Variants in SDK1 observed in about 807,000 individuals in gnomAD.
SDK1 encodes protein sidekick-1.
A neutral mutation model predicts 245.5 loss-of-function variants in SDK1; 157 were observed. That is an observed-to-expected ratio of 0.64 (90% CI 0.56 to 0.73). The LOEUF (loss-of-function observed/expected upper bound fraction) is 0.73, where lower values mean the gene tolerates loss of function less well. SDK1 is among the 30% of genes least tolerant of loss of function. The pLI is 0.00. For synonymous variants in SDK1, 1,647 were observed against 1,278.5 expected (o/e 1.29, Z -6.15); for missense variants, 3,583 against 3,002.3 (o/e 1.19, Z -4.52).
At chr7:3,958,570 G>A (rs898610485) in intron 7 of SDK1, among the ~76,000 whole-genome samples, 2 of 152,176 alleles carry the variant, frequency 1.3e-5, no homozygotes, top group Middle Eastern at 3.2e-3. Context: ...CAAGCTTCAC[G>A]AGCTCGTGTT....
chr7:3,692,539 T>C (rs1366393789), intron 4 of SDK1, among the ~76,000 whole-genome samples: 1 of 152,214 alleles, frequency 6.6e-6, no homozygotes, highest in Non-Finnish European at 1.5e-5. Context: ...GCATAAATTA[T>C]TTGTTTATTT....
At chr7:3,443,766 C>A (rs138676879) in intron 1 of SDK1, among the ~76,000 whole-genome samples, 1 of 152,098 alleles carries the variant, frequency 6.6e-6, no homozygotes. Context: ...TGGTCAGCAG[C>A]GTAATGGCTT....
intron 4 of SDK1, among the ~76,000 whole-genome samples, chr7:3,652,624 G>C (rs7782236): frequency 0.63 from 95,461 of 152,134 alleles, 30,410 homozygotes; most frequent in South Asian, 0.77. Context: ...AGAGTATTAG[G>C]TTATCATTCA....
chr7:3,629,245 G>T (rs1782213449), intron 2 of SDK1, among the ~76,000 whole-genome samples: 1 of 150,902 alleles, frequency 6.6e-6, no homozygotes, highest in African/African-American at 2.4e-5. Flanking sequence ...AGCTTGCAGT[G>T]AGCTGAGATC....
rs115901240 is a variant in SDK1 at position 3,754,210 on chromosome 7, C to G, written c.714-67240C>G. ...TCATATTACATTTTCATACAGTTGTCTTGCTTCATACCCCAGGGATTTATT... is the reference window on the plus strand; with the variant it reads ...TCATATTACATTTTCATACAGTTGTGTTGCTTCATACCCCAGGGATTTATT... On this transcript the variant is annotated intron_variant, in intron 4 of 44. Transcript: ENST00000404826. 1.9e-3 allele frequency among the ~76,000 whole-genome samples: 282 copies of G among 152,310 alleles called. 1 individual carries two copies. The highest frequency in any genetic ancestry group is 6.5e-3 in the African/African-American group (271 of 41,562).
chr7:3,596,376 G>C (rs185792072), intron 1 of SDK1, among the ~76,000 whole-genome samples: 28 of 152,342 alleles, frequency 1.8e-4, no homozygotes, highest in African/African-American at 6.7e-4. Flanking sequence ...TTGTGGTAAA[G>C]TTGCTCGAGG....
At chr7:4,107,770 C>T (rs1473492344) in intron 22 of SDK1, among the ~76,000 whole-genome samples, 4 of 152,200 alleles carry the variant, frequency 2.6e-5, no homozygotes, top group Non-Finnish European at 4.4e-5. Flanking sequence ...CCCAGGCAGC[C>T]GGGGGCCTCC....
intron 32 of SDK1, among the ~76,000 whole-genome samples, chr7:4,166,877 T>A (rs1342539531): frequency 6.6e-6 from 1 of 152,086 alleles, no homozygotes; most frequent in Non-Finnish European, 1.5e-5. Flanking sequence ...GGTGGGAGGT[T>A]CCACAGAGGC....
chr7:4,257,105 T>G (rs1188040466), intron 44 of SDK1, among the ~76,000 whole-genome samples: 1 of 152,212 alleles, frequency 6.6e-6, no homozygotes, highest in Non-Finnish European at 1.5e-5. Context: ...TGTTAAAGAT[T>G]GTTTTCGAAA....
chr7:3,647,276 G>A (rs1022195058), intron 4 of SDK1, among the ~76,000 whole-genome samples: 8 of 152,018 alleles, frequency 5.3e-5, no homozygotes, highest in African/African-American at 1.7e-4. Flanking sequence ...ATTTTACCAC[G>A]ATTTTAATTG....
At chr7:3,447,430 A>G (rs1780373334) in intron 1 of SDK1, among the ~76,000 whole-genome samples, 1 of 151,980 alleles carries the variant, frequency 6.6e-6, no homozygotes, top group Non-Finnish European at 1.5e-5. Flanking sequence ...ACACACACTC[A>G]CTTACTCTTC....
At chr7:4,005,562 C>T (rs941722074) in intron 14 of SDK1, among the ~76,000 whole-genome samples, 1 of 152,024 alleles carries the variant, frequency 6.6e-6, no homozygotes, top group African/African-American at 2.4e-5. Flanking sequence ...CTGTGAAATT[C>T]AGCAGAAGTT....
chr7:4,145,622 C>CA, intron 28 of SDK1, 100 bp from the exon 29 acceptor site: 1 of 1,021,998 alleles, frequency 9.8e-7, no homozygotes. Flanking sequence ...GGGGAAGAGA[C>CA]AGATGGCCTT....
At chr7:3,626,650 C>A (rs2128646663) in intron 2 of SDK1, among the ~76,000 whole-genome samples, 2 of 152,318 alleles carry the variant, frequency 1.3e-5, no homozygotes, top group Admixed American at 1.3e-4. Context: ...TCCTCCTCAC[C>A]TCTGCTGTGT....
At chr7:3,586,381 C>G (rs549809278) in intron 1 of SDK1, among the ~76,000 whole-genome samples, 2 of 151,756 alleles carry the variant, frequency 1.3e-5, no homozygotes, top group East Asian at 1.9e-4. Context: ...GAGGAGGGCT[C>G]GAGACCCCCC....
intron 1 of SDK1, among the ~76,000 whole-genome samples, chr7:3,353,349 C>G (rs528681328): frequency 6.6e-6 from 1 of 152,212 alleles, no homozygotes; most frequent in Non-Finnish European, 1.5e-5. Flanking sequence ...ATAAAAGTTG[C>G]TATAACCTTA....
intron 14 of SDK1, among the ~76,000 whole-genome samples, chr7:4,007,964 C>T (rs1280244127): frequency 1.3e-5 from 2 of 152,186 alleles, no homozygotes; most frequent in Non-Finnish European, 2.9e-5. Context: ...GGCTCAGTGG[C>T]ATTAAACACA....
intron 1 of SDK1, among the ~76,000 whole-genome samples, chr7:3,485,683 G>GCTTTTTTTTTTTTTTTTT (rs1781665576): frequency 2.6e-5 from 1 of 38,178 alleles, no homozygotes; most frequent in Non-Finnish European, 4.5e-5. Flanking sequence ...TCTTTGGAGG[G>GCTTTTTTTTTTTTTTTTT]TTTTTTTTTT....
intron 1 of SDK1, among the ~76,000 whole-genome samples, chr7:3,522,697 C>CG (rs1023020289): frequency 1.3e-5 from 2 of 151,924 alleles, no homozygotes; most frequent in Non-Finnish European, 2.9e-5. Flanking sequence ...GTTGACAAAC[C>CG]GGGGGACGTG....
Sources: gnomAD v4.1 joint callset for allele counts (sites outside exome capture counted in the v4.1 genomes callset) on GRCh38, gnomAD v4.1.1 for gene constraint, MANE v1.5 for transcripts, NCBI Gene and HGNC (gene_info 2026-07-23, HGNC 2026-07-21) for gene names.